The following RSRP1 variants were observed in gnomAD, a reference collection of about 807,000 sequenced individuals.
RSRP1 encodes arginine/serine-rich protein 1.
In RSRP1, 37 loss-of-function variants were observed where a neutral mutation model predicts 33.0. The ratio of observed to expected loss-of-function variants is 1.12; its 90% CI spans 0.86 to 1.48. The LOEUF (loss-of-function observed/expected upper bound fraction) is 1.48, where lower values mean the gene tolerates loss of function less well. RSRP1 is among the 40% of genes most tolerant of loss of function. RSRP1 has a pLI of 0.00. For missense variants in RSRP1, 402 were observed against 385.3 expected (o/e 1.04, Z -0.36); for synonymous variants, 167 against 158.7 (o/e 1.05, Z -0.40).
At chr1:25,276,457 C>G (rs1256724258) in intron 1 of RSRP1, among the ~76,000 whole-genome samples, 1 of 115,618 alleles carries the variant, frequency 8.6e-6, no homozygotes, top group African/African-American at 3.1e-5. Context: ...TTTAGGGAGG[C>G]CAAGTGGGGA....
intron 3 of RSRP1, chr1:25,244,549 G>A (rs1383140795): frequency 7.8e-7 from 1 of 1,288,326 alleles, no homozygotes; most frequent in Non-Finnish European, 1.0e-6. Context: ...GCTGAGTACA[G>A]AATTTGTGGG....
Position 25,276,532 on chromosome 1 carries a change from T to TAAAAAAAAAAAAAAAAA in RSRP1, c.-66-29520_-66-29504dup, listed in dbSNP as rs557746335. Among the ~76,000 whole-genome samples, 346 of 64,758 alleles carry TAAAAAAAAAAAAAAAAA rather than the reference T, an allele frequency of 5.3e-3. 36 individuals are homozygous for TAAAAAAAAAAAAAAAAA. The highest frequency in any genetic ancestry group is 0.023 in the African/African-American group (318 of 13,840). 42.5% of individuals were successfully genotyped at this position (64,758 alleles called of 152,430 possible). A position where few individuals can be genotyped will look rare whatever the true frequency, so the allele number is the denominator to read the frequency against. ...ACATAGGGAGACCCCCCCCCATCTCTAAAAAAAAAAAAAAAAAAAAAAACT... is the reference window on the plus strand; with the variant it reads ...ACATAGGGAGACCCCCCCCCATCTCTAAAAAAAAAAAAAAAAAAAAAAAAAAAAAAAAAAAAAAAACT... On this transcript the variant is annotated intron_variant, in intron 1 of 1. Transcript: ENST00000561867.
chr1:25,321,897 C>T, intron 1 of RSRP1: 1 of 1,297,666 alleles, frequency 7.7e-7, no homozygotes, highest in East Asian at 2.3e-5. Context: ...AGGTTTGCTC[C>T]TAAATCTTAA....
Position 25,246,533 on chromosome 1 carries a change from C to A in RSRP1, c.431G>T (p.Arg144Leu). ...ARGQRYYGFG[R>L]TVYPEEHSRW... ...GCTGTGCTCCTCCGGGTACACTGTG[C>A]GACCAAAGCCGTAGTAGCGCTGTCC... The change falls in exon 2 of 5, where the codon CGC becomes CTC. Residue 144 changes from arginine to leucine, a missense_variant. By Grantham distance (102) the Arg-to-Leu change is moderately radical (BLOSUM62 -2). Coordinates refer to ENST00000243189, the MANE Select transcript of RSRP1 (RefSeq NM_020317.5). 1 of 1,614,246 alleles carries A rather than the reference C, an allele frequency of 6.2e-7. No homozygotes were observed. Among genetic ancestry groups the A allele is most frequent in the Non-Finnish European group, 8.5e-7 (1 of 1,180,050 alleles).
Position 25,306,681 on chromosome 1 carries a change from T to C in RSRP1, c.-67+31297A>G, listed in dbSNP as rs138235491. Reference sequence around the variant, plus strand: ...TTGCTGGGTCTGCTTGGAGAGATCATCTACATTGTGCTGCTGGTGCTTGAT... The same window carrying C: ...TTGCTGGGTCTGCTTGGAGAGATCACCTACATTGTGCTGCTGGTGCTTGAT... On this transcript the variant is annotated intron_variant, in intron 1 of 1. Transcript: ENST00000561867. 5.2e-4 allele frequency: 712 copies of C among 1,378,464 alleles called. 127 individuals are homozygous for C. The African/African-American group carries it at 8.0e-3, about 15-fold the overall frequency. The allele number at this position is 1,378,464 out of a possible 1,614,324, so 85.4% of individuals were successfully genotyped here. A position where few individuals can be genotyped will look rare whatever the true frequency, so the allele number is the denominator to read the frequency against.
At position 25,271,664 on chromosome 1, in the gene RSRP1, G is replaced by T. The variant is rs549800424; in HGVS notation, c.-66-24635C>A. Among the ~76,000 whole-genome samples the T allele has an allele frequency of 6.8e-4, 90 of 132,778 alleles. 10 individuals carry two copies. The South Asian group carries it at 0.019, about 28-fold the overall frequency. 87.1% of individuals were successfully genotyped at this position (132,778 alleles called of 152,430 possible). A position where few individuals can be genotyped will look rare whatever the true frequency, so the allele number is the denominator to read the frequency against. ...GATGGGAGCACAGGGGAAGTTGGCTGCAGGGTTAGAACTAAGTCCCAAGCC... is the reference window on the plus strand; with the variant it reads ...GATGGGAGCACAGGGGAAGTTGGCTTCAGGGTTAGAACTAAGTCCCAAGCC... On this transcript the variant is annotated intron_variant, in intron 1 of 1. Coordinates refer to the RSRP1 transcript ENST00000561867.
rs767932799 is a variant in RSRP1, at chr1:25,245,316, G to A, written c.521-15C>T. 11 of 1,597,400 alleles carry A rather than the reference G, an allele frequency of 6.9e-6. No homozygotes were observed. The African/African-American group carries it at 1.1e-4, about 16-fold the overall frequency. On this transcript the variant is annotated splice_polypyrimidine_tract_variant and intron_variant, in intron 2 of 4. Transcript: ENST00000243189. ...CTCCATTCGATCTAAAAAAAAAAGA[G>A]AGAGATTTTAAAATACTCATTAATC...
chr1:25,244,587 A>T, intron 3 of RSRP1: 1 of 1,283,630 alleles, frequency 7.8e-7, no homozygotes, highest in Middle Eastern at 2.4e-4. Context: ...GAAAGCTACA[A>T]ACACTCTGTA....
intron 1 of RSRP1, among the ~76,000 whole-genome samples, chr1:25,309,349 C>G (rs537011312): frequency 0.013 from 1,696 of 130,798 alleles, 263 homozygotes; most frequent in African/African-American, 0.042. Flanking sequence ...CCCCACTTGG[C>G]CTGAGAATCT....
chr1:25,267,514 GA>G lies in RSRP1; in HGVS notation c.-66-20486del, dbSNP rs1021294450. On this transcript the variant is annotated intron_variant, in intron 1 of 1. Transcript: ENST00000561867. Reference sequence around the variant, plus strand: ...GGACACCCCAGCCACGCCAAGCCGGGAAGTCCCCGCCTCCTGGAGCTGAACC... The same window carrying G: ...GGACACCCCAGCCACGCCAAGCCGGGAGTCCCCGCCTCCTGGAGCTGAACC... 5.7e-5 allele frequency among the ~76,000 whole-genome samples: 7 copies of G among 122,214 alleles called. 3 individuals are homozygous for G. Among genetic ancestry groups the G allele is most frequent in the Non-Finnish European group, 1.3e-4 (7 of 52,296 alleles). 80.2% of individuals were successfully genotyped at this position (122,214 alleles called of 152,430 possible). A position where few individuals can be genotyped will look rare whatever the true frequency, so the allele number is the denominator to read the frequency against.
chr1:25,258,815 C>T (rs1028092690), intron 1 of RSRP1, among the ~76,000 whole-genome samples: 1 of 152,082 alleles, frequency 6.6e-6, no homozygotes, highest in Admixed American at 6.6e-5. Context: ...TGCATTTGTA[C>T]TCTTATAAGA....
rs1310302398 is a variant in RSRP1 at position 25,287,655 on chromosome 1, TA to T, written c.-66-40627del. On this transcript the variant is annotated intron_variant, in intron 1 of 1. Transcript: ENST00000561867. Reference sequence around the variant, plus strand: ...GTTGTTTGTTTTCCTCACATACTGATAACTTAGCAAATGGCTATTGGAGCAA... The same window carrying T: ...GTTGTTTGTTTTCCTCACATACTGATACTTAGCAAATGGCTATTGGAGCAA... Among the ~76,000 whole-genome samples, 15 of 135,676 alleles carry T rather than the reference TA, an allele frequency of 1.1e-4. 2 individuals are homozygous for T. Among genetic ancestry groups the T allele is most frequent in the African/African-American group, 2.8e-4 (11 of 39,376 alleles). The allele number at this position is 135,676 out of a possible 152,430, so 89.0% of individuals were successfully genotyped here.
intron 1 of RSRP1, among the ~76,000 whole-genome samples, chr1:25,315,521 G>T (rs1253060718): frequency 2.5e-5 from 3 of 118,444 alleles, no homozygotes; most frequent in East Asian, 2.0e-4. Context: ...TTTTGAGATG[G>T]AGTCTCGCTG....
intron 1 of RSRP1, among the ~76,000 whole-genome samples, chr1:25,257,116 A>ATC (rs768127968): frequency 6.6e-6 from 1 of 152,192 alleles, no homozygotes; most frequent in Non-Finnish European, 1.5e-5. Context: ...GTGTCATTTA[A>ATC]TACACTTCAG....
In RSRP1 at chr1:25,300,341, A is replaced by G. The variant is rs1476600705; in HGVS notation, c.-67+37637T>C. Among the ~76,000 whole-genome samples the G allele has an allele frequency of 2.3e-5, 3 of 129,534 alleles. 1 individual carries two copies. The highest frequency in any genetic ancestry group is 5.4e-5 in the Non-Finnish European group (3 of 55,056). 85.0% of individuals were successfully genotyped at this position (129,534 alleles called of 152,430 possible). On this transcript the variant is annotated intron_variant, in intron 1 of 1. Coordinates refer to the RSRP1 transcript ENST00000561867. Reference sequence around the variant, plus strand: ...AGCCTGAGCAACATAGCAAGATTCCATCTTTACACAAAATTTAAAAATTGG... The same window carrying G: ...AGCCTGAGCAACATAGCAAGATTCCGTCTTTACACAAAATTTAAAAATTGG...
chr1:25,330,867 C>G lies in RSRP1; in HGVS notation c.-67+7111G>C, dbSNP rs144321520. Among the ~76,000 whole-genome samples, 9 of 128,372 alleles carry G rather than the reference C, an allele frequency of 7.0e-5. 1 individual carries two copies. Among genetic ancestry groups the G allele is most frequent in the African/African-American group, 1.9e-4 (7 of 37,468 alleles). The allele number at this position is 128,372 out of a possible 152,430, so 84.2% of individuals were successfully genotyped here. A position where few individuals can be genotyped will look rare whatever the true frequency, so the allele number is the denominator to read the frequency against. ...CGGCAAGGTTGGTTTCTGGTGAGAC[C>G]TCTCTCCCTGTCTTGCAGATGGCTG... On this transcript the variant is annotated intron_variant, in intron 1 of 1. Coordinates refer to the RSRP1 transcript ENST00000561867.
In RSRP1 at chr1:25,270,305, A is replaced by T. The variant is rs1290080152; in HGVS notation, c.-66-23276T>A. Among the ~76,000 whole-genome samples, 3 of 129,578 alleles carry T rather than the reference A, an allele frequency of 2.3e-5. 1 individual carries two copies. Among genetic ancestry groups the T allele is most frequent in the Admixed American group, 1.5e-4 (2 of 13,394 alleles). 85.0% of individuals were successfully genotyped at this position (129,578 alleles called of 152,430 possible). The stretch of plus-strand genomic sequence containing the variant: ...TTGGAAGAAGACTTAGAAGTAATCT[A>T]GGCTGGGGGTCCCCAACCCCCAGGC... On this transcript the variant is annotated intron_variant, in intron 1 of 1. Coordinates refer to the RSRP1 transcript ENST00000561867.
intron 4 of RSRP1, 111 bp from the exon 5 acceptor site, chr1:25,242,816 G>T (rs1638963731): frequency 5.2e-6 from 4 of 770,150 alleles, no homozygotes; most frequent in Admixed American, 4.8e-5. Flanking sequence ...ATTATCAATT[G>T]CTGGGCGCGG....
At chr1:25,270,620 T>C (rs1364383994) in intron 1 of RSRP1, among the ~76,000 whole-genome samples, 1 of 132,274 alleles carries the variant, frequency 7.6e-6, no homozygotes, top group Non-Finnish European at 1.8e-5. Context: ...GCCAAAAAGC[T>C]TGGGGACCCC....
Sources: gnomAD v4.1 joint callset for allele counts (sites outside exome capture counted in the v4.1 genomes callset) on GRCh38, gnomAD v4.1.1 for gene constraint, MANE v1.5 for transcripts, NCBI Gene and HGNC (gene_info 2026-07-23, HGNC 2026-07-21) for gene names.